TNC: variants seen among roughly 807,000 people sequenced by gnomAD.
TNC encodes tenascin C.
A neutral mutation model predicts 202.4 loss-of-function variants in TNC; 109 were observed. The observed-to-expected ratio is 0.54, with a 90% CI of 0.46 to 0.63. The LOEUF is 0.63. TNC is among the 30% of genes least tolerant of loss of function. The pLI is 0.00. For missense variants in TNC, 2,756 were observed against 2,833.3 expected (o/e 0.97, Z 0.62); for synonymous variants, 1,007 against 1,089.7 (o/e 0.92, Z 1.50).
chr9:115,108,401 A>G (rs993286685), intron 1 of TNC, among the ~76,000 whole-genome samples: 1 of 152,176 alleles, frequency 6.6e-6, no homozygotes, highest in African/African-American at 2.4e-5. Context: ...TGAACCATCC[A>G]TTGGCTTCTA....
At chr9:115,052,753 G>A (rs1381203976) in intron 15 of TNC, 2 of 702,382 alleles carry the variant, frequency 2.8e-6, no homozygotes, top group Non-Finnish European at 2.6e-6. Context: ...TAATGACAAA[G>A]GCAGTGAGGG....
rs1421425518 is a variant in TNC, at chr9:115,042,323, T to G, written c.5144A>C (p.Glu1715Ala). 1 of 1,614,078 alleles carries G rather than the reference T, an allele frequency of 6.2e-7. No individual in the cohort carries two copies. The highest frequency in any genetic ancestry group is 1.7e-5 in the Admixed American group (1 of 60,016). ...IATTAMGSPK[E>A]VIFSDITENS... ...TTCAGTGATGTCTGAGAAAATGACT[T>G]CCTTTGGGGAGCCCATGGCTGTCAA... The change falls in exon 18 of 28, where the codon GAA becomes GCA. Residue 1715 changes from glutamate (E) to alanine (A), a missense_variant. Glu to Ala is a moderately radical substitution (Grantham distance 107). This residue lies in a region of TNC where 2,559 missense variants were observed against 2,546.0 expected (regional missense o/e 1.01). Coordinates refer to ENST00000350763, the MANE Select transcript of TNC (RefSeq NM_002160.4).
chr9:115,024,186 C>T (rs1393434710), intron 26 of TNC, 50 bp from the exon 27 acceptor site: 3 of 1,592,564 alleles, frequency 1.9e-6, no homozygotes, highest in Non-Finnish European at 2.6e-6. Flanking sequence ...TGAAATTTCC[C>T]TCCTGGACAG....
intron 15 of TNC, among the ~76,000 whole-genome samples, chr9:115,056,693 A>G (rs1832151635): frequency 6.6e-6 from 1 of 152,156 alleles, no homozygotes; most frequent in African/African-American, 2.4e-5. Flanking sequence ...AAAATACCCA[A>G]CACCATCAAC....
chr9:115,086,986 G>C lies in TNC; in HGVS notation c.745C>G (p.Arg249Gly), dbSNP rs761100812. ...CTGCAGGGCACTGGGCAGATTTCAC[G>C]GCTGCAGTCAGCCCCGGCGTAGCCT... ...FEGYAGADCSREICPVPCSEE... is the reference protein window; with the variant it reads ...FEGYAGADCSGEICPVPCSEE... Residue 249 changes from arginine to glycine, a missense_variant, in exon 3 of 28, where the codon CGT (arginine) becomes GGT (glycine). Arg to Gly is a moderately radical substitution (Grantham distance 125, BLOSUM62 -2). Transcript: ENST00000350763. The C allele has an allele frequency of 2.5e-6, 4 of 1,614,144 alleles. No homozygotes were observed. The highest frequency in any genetic ancestry group is 3.4e-6 in the Non-Finnish European group (4 of 1,180,030).
intron 6 of TNC, among the ~76,000 whole-genome samples, chr9:115,080,867 G>T (rs1003876284): frequency 6.7e-6 from 1 of 149,414 alleles, no homozygotes; most frequent in Non-Finnish European, 1.5e-5. Flanking sequence ...AACTGAGATC[G>T]TTCCACTGCA....
chr9:115,021,998 TG>T (rs1829109160), intron 27 of TNC, among the ~76,000 whole-genome samples: 2 of 152,240 alleles, frequency 1.3e-5, no homozygotes, highest in African/African-American at 2.4e-5. Flanking sequence ...CTTGAAATTT[TG>T]GCCAAAGCTT....
chr9:115,041,126 C>A (rs1262251030), intron 18 of TNC, 42 bp from the exon 19 acceptor site: 1 of 1,575,350 alleles, frequency 6.3e-7, no homozygotes, highest in East Asian at 2.3e-5. Flanking sequence ...ATGAACCTCA[C>A]TGACACTTAT....
At chr9:115,112,019 G>A (rs1307484062) in intron 1 of TNC, among the ~76,000 whole-genome samples, 1 of 152,160 alleles carries the variant, frequency 6.6e-6, no homozygotes, top group Non-Finnish European at 1.5e-5. Context: ...TAATAAATGA[G>A]TGTTGATTTA....
At chr9:115,076,297 G>A in intron 8 of TNC, 93 bp downstream of exon 8, 9 of 1,481,622 alleles carry the variant, frequency 6.1e-6, no homozygotes, top group Non-Finnish European at 7.5e-6. Context: ...TTATTTCTGA[G>A]GGTTGCAAAT....
chr9:115,049,636 T>C lies in TNC; in HGVS notation c.4580-1104A>G, dbSNP rs565448259. Among the ~76,000 whole-genome samples, 11 of 151,354 alleles carry C rather than the reference T, an allele frequency of 7.3e-5. No individual in the cohort carries two copies. In the South Asian group the frequency reaches 2.3e-3, roughly 32 times the overall value. ...TCAGCGTCTCTTTTCTAGGTGTTTTTTCTTTTTTCTTTTTTTTTTTCTGAC... is the reference window on the plus strand; with the variant it reads ...TCAGCGTCTCTTTTCTAGGTGTTTTCTCTTTTTTCTTTTTTTTTTTCTGAC... On this transcript the variant is annotated intron_variant, in intron 15 of 27. Coordinates refer to ENST00000350763, the MANE Select transcript of TNC (RefSeq NM_002160.4).
intron 15 of TNC, among the ~76,000 whole-genome samples, chr9:115,052,224 G>A (rs1047077071): frequency 6.6e-6 from 1 of 151,886 alleles, no homozygotes. Context: ...GACAAATACT[G>A]CGTGATCTCA....
At chr9:115,110,510 T>C (rs1320339315) in intron 1 of TNC, among the ~76,000 whole-genome samples, 1 of 151,126 alleles carries the variant, frequency 6.6e-6, no homozygotes, top group African/African-American at 2.4e-5. Context: ...GGGCAGGGGG[T>C]GGTGATCAAG....
chr9:115,093,611 A>C (rs1835393256), intron 1 of TNC, among the ~76,000 whole-genome samples: 1 of 149,868 alleles, frequency 6.7e-6, no homozygotes, highest in Non-Finnish European at 1.5e-5. Context: ...CTTTTCCATC[A>C]ATTCTTAGCT....
In TNC at chr9:115,029,288, C is replaced by T. The variant is rs1829770599; in HGVS notation, c.6169+72G>A. The T allele has an allele frequency of 2.3e-5, 31 of 1,376,946 alleles. 1 individual carries two copies. In the South Asian group the frequency reaches 3.6e-4, roughly 16 times the overall value. 85.3% of individuals were successfully genotyped at this position (1,376,946 alleles called of 1,614,324 possible). ...TCATCTCTTTCTCTCCCATAGGTCC[C>T]TGTGGGTTAGGAAAAGTGACAAGGA... On this transcript the variant is annotated intron_variant, in intron 25 of 27. Coordinates refer to ENST00000350763, the MANE Select transcript of TNC (RefSeq NM_002160.4).
intron 25 of TNC, 96 bp downstream of exon 25, chr9:115,029,264 C>T: frequency 9.7e-7 from 1 of 1,030,010 alleles, no homozygotes; most frequent in Non-Finnish European, 1.5e-6. Flanking sequence ...TCTTCTTCCT[C>T]ATCTCTTTCT....
In TNC at chr9:115,076,048, G is replaced by A. The variant is rs1833822694; in HGVS notation, c.2934C>T (p.Thr978=). The A allele has an allele frequency of 1.2e-6, 2 of 1,613,970 alleles. No homozygotes were observed. The highest frequency in any genetic ancestry group is 1.7e-6 in the Non-Finnish European group (2 of 1,180,016). Residue 978 remains threonine (T), a synonymous_variant, in exon 9 of 28, where the codon ACC becomes ACT. Transcript: ENST00000350763. The stretch of plus-strand genomic sequence containing the variant: ...GTGCCCCACCTGTGGCTGCGTTGAT[G>A]GTCGCTGGATTGCTCTCCTTGTCTT... ...VKEDKESNPA[T]INAATELDTP...
chr9:115,065,061 G>T, intron 10 of TNC, 142 bp from the exon 11 acceptor site: 1 of 884,054 alleles, frequency 1.1e-6, no homozygotes, highest in East Asian at 2.5e-5. Context: ...ATCCCCTACT[G>T]GTGCTGTCCC....
chr9:115,041,117 T>C (rs765844874), intron 18 of TNC, 33 bp from the exon 19 acceptor site: 17 of 1,587,592 alleles, frequency 1.1e-5, no homozygotes, highest in Middle Eastern at 1.7e-4. Flanking sequence ...TGAGGAATAA[T>C]GAACCTCACT....
Sources: gnomAD v4.1 joint callset for allele counts (sites outside exome capture counted in the v4.1 genomes callset) on GRCh38, gnomAD v4.1.1 for gene constraint, gnomAD v4.1.1 regional missense constraint, MANE v1.5 for transcripts, NCBI Gene and HGNC (gene_info 2026-07-23, HGNC 2026-07-21) for gene names.